MEGF9: variants seen among roughly 807,000 people sequenced by gnomAD.
The protein encoded by MEGF9 is multiple EGF like domains 9, also known as multiple epidermal growth factor-like domains protein 9.
MEGF9 carries 6 observed loss-of-function variants against 46.8 expected under a neutral mutation model. The observed-to-expected ratio is 0.13, with a 90% confidence interval of 0.07 to 0.25. MEGF9 has a LOEUF of 0.25. MEGF9 is among the 10% of genes least tolerant of loss of function. The pLI is 1.00. For synonymous variants in MEGF9, 302 were observed against 330.7 expected (o/e 0.91, Z 0.94); for missense variants, 683 against 792.4 (o/e 0.86, Z 1.66).
chr9:120,605,655 CAG>C lies in MEGF9; in HGVS notation c.1358-16_1358-15del, dbSNP rs1391387578. On this transcript the variant is annotated splice_polypyrimidine_tract_variant and intron_variant, in intron 5 of 5. Transcript: ENST00000373930. This position sits in a 1 kb window ranked among gnomAD's most constrained non-coding sequence, Gnocchi z 4.0. ...GAAGAATAACTTCTGAAAATAAAAA[CAG>C]AGAATGAAATGTAAAAGACAAAATT... is the stretch of plus-strand genomic sequence containing the variant. 2.6e-6 allele frequency: 4 copies of C among 1,515,460 alleles called. No homozygotes were observed. The African/African-American group carries it at 4.2e-5, about 16-fold the overall frequency. 93.9% of individuals were successfully genotyped at this position (1,515,460 alleles called of 1,614,324 possible).
intron 2 of MEGF9, among the ~76,000 whole-genome samples, chr9:120,651,941 G>A (rs1195456321): frequency 1.3e-5 from 2 of 151,386 alleles, no homozygotes; most frequent in African/African-American, 2.4e-5. Flanking sequence ...ATGAGCCATC[G>A]CGCCTGGCCT....
intron 2 of MEGF9, among the ~76,000 whole-genome samples, chr9:120,658,760 A>G (rs1465029747): frequency 6.6e-6 from 1 of 152,216 alleles, no homozygotes; most frequent in Admixed American, 6.5e-5. Context: ...GTACAAGGCA[A>G]ATGCTTAGAT....
At chr9:120,639,049 A>G (rs2043590974) in intron 2 of MEGF9, among the ~76,000 whole-genome samples, 1 of 152,170 alleles carries the variant, frequency 6.6e-6, no homozygotes, top group African/African-American at 2.4e-5. Flanking sequence ...ATCATCTGTC[A>G]GTTTCATATG....
chr9:120,647,319 C>A (rs1166768256), intron 2 of MEGF9, among the ~76,000 whole-genome samples: 1 of 152,106 alleles, frequency 6.6e-6, no homozygotes, highest in Non-Finnish European at 1.5e-5. Context: ...TCCCAATGCA[C>A]TCAGTGCCTT....
chr9:120,625,093 A>G (rs1482581983), intron 2 of MEGF9, among the ~76,000 whole-genome samples: 1 of 152,104 alleles, frequency 6.6e-6, no homozygotes, highest in Non-Finnish European at 1.5e-5. Flanking sequence ...AACTACTCCA[A>G]CTGCAGTTAA....
rs187772724 is a variant in MEGF9 at position 120,689,274 on chromosome 9, C to A, written c.601+24484G>T. ...GTAGAGGAGAGGAGTATCCCCAAGG[C>A]AAGGAGCAGCATGTGTAACAACATC... On this transcript the variant is annotated intron_variant, in intron 1 of 5. Transcript: ENST00000373930. 1.7e-4 allele frequency among the ~76,000 whole-genome samples: 26 copies of A among 152,156 alleles called. 2 individuals are homozygous for A. Among genetic ancestry groups the A allele is most frequent in the Admixed American group, 9.8e-4 (15 of 15,276 alleles).
rs1483223876 is a variant in MEGF9 at position 120,620,413 on chromosome 9, T to C, written c.943+2203A>G. Among the ~76,000 whole-genome samples, 4 of 152,216 alleles carry C rather than the reference T, an allele frequency of 2.6e-5. No homozygotes were observed. In the East Asian group the frequency reaches 5.8e-4, roughly 22 times the overall value. ...GTAGTTACTATATGCTAAAGCTCCATGCTAGAGATTGTGTATACAATGGTG... is the reference window on the plus strand; with the variant it reads ...GTAGTTACTATATGCTAAAGCTCCACGCTAGAGATTGTGTATACAATGGTG... On this transcript the variant is annotated intron_variant, in intron 3 of 5. Coordinates refer to ENST00000373930, the MANE Select transcript of MEGF9 (RefSeq NM_001080497.3).
At chr9:120,706,956 C>A (rs1264357360) in intron 1 of MEGF9, among the ~76,000 whole-genome samples, 1 of 152,122 alleles carries the variant, frequency 6.6e-6, no homozygotes, top group East Asian at 1.9e-4. Flanking sequence ...ATCCAAGGAC[C>A]AATTATTTTT....
chr9:120,714,451 C>T lies in MEGF9; in HGVS notation c.-93G>A. The T allele has an allele frequency of 6.6e-6, 7 of 1,062,520 alleles. No individual in the cohort carries two copies. Among genetic ancestry groups the T allele is most frequent in the Non-Finnish European group, 8.4e-6 (7 of 837,338 alleles). 65.8% of individuals were successfully genotyped at this position (1,062,520 alleles called of 1,614,324 possible). ...CCGCCGCCGCCACCGCCACCGGGCG[C>T]ACCATCGCCACCTCCCTCTGACAGG... On this transcript the variant is annotated 5_prime_UTR_variant, in exon 1 of 6. Transcript: ENST00000373930.
At chr9:120,633,641 T>C (rs1007627081) in intron 2 of MEGF9, among the ~76,000 whole-genome samples, 4 of 152,088 alleles carry the variant, frequency 2.6e-5, no homozygotes, top group African/African-American at 9.7e-5. Flanking sequence ...TAATTTTGAG[T>C]TTTGTTTTTT....
chr9:120,702,806 T>C (rs967257647), intron 1 of MEGF9, among the ~76,000 whole-genome samples: 46 of 152,336 alleles, frequency 3.0e-4, no homozygotes, highest in African/African-American at 1.0e-3. Context: ...CCAGTCCCTA[T>C]AATGGCTCCC....
At chr9:120,701,153 T>G (rs2043903271) in intron 1 of MEGF9, among the ~76,000 whole-genome samples, 1 of 151,344 alleles carries the variant, frequency 6.6e-6, no homozygotes, top group Admixed American at 6.6e-5. Flanking sequence ...TTTCCAAAAT[T>G]AAAAAGGAGT....
intron 1 of MEGF9, among the ~76,000 whole-genome samples, chr9:120,674,401 T>C (rs997583929): frequency 6.6e-6 from 1 of 152,156 alleles, no homozygotes; most frequent in African/African-American, 2.4e-5. Flanking sequence ...TATCTTTCAT[T>C]AGGAAAATAC....
intron 1 of MEGF9, among the ~76,000 whole-genome samples, chr9:120,700,672 T>C (rs1187226783): frequency 1.3e-5 from 2 of 152,164 alleles, no homozygotes; most frequent in African/African-American, 2.4e-5. Flanking sequence ...CCAATCCCTA[T>C]AATGATTAAT....
intron 1 of MEGF9, among the ~76,000 whole-genome samples, chr9:120,671,927 T>C (rs1413567329): frequency 1.3e-5 from 2 of 152,220 alleles, no homozygotes; most frequent in Non-Finnish European, 2.9e-5. Flanking sequence ...TTAAGTGGGA[T>C]TTATTCCAGA....
In MEGF9 at chr9:120,714,155, A is replaced by G; in HGVS notation, c.204T>C (p.Pro68=). The change falls in exon 1 of 6, where the codon CCT becomes CCC. Residue 68 remains proline (P), a synonymous_variant. Transcript: ENST00000373930. The stretch of plus-strand genomic sequence containing the variant: ...CCTGGGCCGTGGGAGCCGTCGCCCT[A>G]GGGAAGGGGTGGCTGGGCTCGCCCC... The part of the protein sequence containing the change: ...GLRGEPSHPF[P]RATAPTAQAP... 1 of 1,235,612 alleles carries G rather than the reference A, an allele frequency of 8.1e-7. No homozygotes were observed. Among genetic ancestry groups the G allele is most frequent in the African/African-American group, 1.6e-5 (1 of 64,308 alleles). 76.5% of individuals were successfully genotyped at this position (1,235,612 alleles called of 1,614,324 possible).
At chr9:120,628,936 CTT>C (rs1177067204) in intron 2 of MEGF9, among the ~76,000 whole-genome samples, 1 of 152,090 alleles carries the variant, frequency 6.6e-6, no homozygotes, top group Non-Finnish European at 1.5e-5. Context: ...CCTCTGAAAA[CTT>C]TTCTCATGAG....
At chr9:120,650,485 G>T (rs2132317705) in intron 2 of MEGF9, among the ~76,000 whole-genome samples, 1 of 152,202 alleles carries the variant, frequency 6.6e-6, no homozygotes, top group African/African-American at 2.4e-5. Flanking sequence ...GGTGATGTGA[G>T]GGGGTGGACA....
chr9:120,624,709 A>T (rs1318225796), intron 2 of MEGF9, among the ~76,000 whole-genome samples: 1 of 152,030 alleles, frequency 6.6e-6, no homozygotes, highest in Non-Finnish European at 1.5e-5. Flanking sequence ...CCCCGTCTCT[A>T]CCAAAAATAC....
Sources: gnomAD v4.1 joint callset for allele counts (sites outside exome capture counted in the v4.1 genomes callset) on GRCh38, gnomAD v4.1.1 for gene constraint, Gnocchi (gnomAD v3.1) non-coding constraint, MANE v1.5 for transcripts, NCBI Gene and HGNC (gene_info 2026-07-23, HGNC 2026-07-21) for gene names.